NAV3: variants seen among roughly 807,000 people sequenced by gnomAD.
NAV3 encodes the protein pore membrane and/or filament interacting like protein 1.
A neutral mutation model predicts 244.7 loss-of-function variants in NAV3; 87 were observed. The observed-to-expected ratio is 0.36, with a 90% confidence interval of 0.30 to 0.42. The LOEUF (loss-of-function observed/expected upper bound fraction) is 0.42. Ranked by LOEUF, NAV3 falls within the 20% of genes least tolerant of loss-of-function variation. NAV3 has a pLI of 1.00. For synonymous variants in NAV3, 1,126 were observed against 1,042.2 expected (o/e 1.08, Z -1.55); for missense variants, 2,663 against 2,893.3 (o/e 0.92, Z 1.83).
chr12:78,173,659 T>A (rs184378045), intron 24 of NAV3, among the ~76,000 whole-genome samples: 87 of 151,664 alleles, frequency 5.7e-4, no homozygotes, highest in African/African-American at 2.0e-3. Flanking sequence ...GTTTAGAAGT[T>A]GGTAATGTTT....
intron 2 of NAV3, among the ~76,000 whole-genome samples, chr12:77,736,905 A>G (rs1240218798): frequency 1.3e-5 from 2 of 152,186 alleles, no homozygotes; most frequent in Non-Finnish European, 2.9e-5. Context: ...TGGATTTCAG[A>G]ACAAGACGAG....
At chr12:77,908,997 C>A (rs1350424171) in intron 1 of NAV3, among the ~76,000 whole-genome samples, 1 of 152,026 alleles carries the variant, frequency 6.6e-6, no homozygotes, top group South Asian at 2.1e-4. Context: ...TCACCCTGCT[C>A]ATGCTACTTA....
chr12:77,595,480 A>G (rs1870125332), intron 2 of NAV3, among the ~76,000 whole-genome samples: 1 of 152,150 alleles, frequency 6.6e-6, no homozygotes, highest in Non-Finnish European at 1.5e-5. Context: ...CATAATGACT[A>G]TAAATAATCG....
At chr12:77,725,132 T>A (rs1057264562) in intron 2 of NAV3, among the ~76,000 whole-genome samples, 3 of 152,018 alleles carry the variant, frequency 2.0e-5, no homozygotes, top group Non-Finnish European at 1.5e-5. Context: ...GGTATTAAAC[T>A]TTTTTCCATT....
intron 2 of NAV3, among the ~76,000 whole-genome samples, chr12:77,648,774 T>C (rs771234): frequency 0.16 from 24,863 of 152,094 alleles, 3,231 homozygotes; most frequent in African/African-American, 0.36. Context: ...TTCTATGATT[T>C]CAGCATCCTG....
intron 1 of NAV3, among the ~76,000 whole-genome samples, chr12:77,841,579 C>T (rs1412937196): frequency 6.6e-6 from 1 of 152,140 alleles, no homozygotes; most frequent in East Asian, 1.9e-4. Flanking sequence ...CCAAATTTGG[C>T]CTGGTGCCCA....
At chr12:78,058,115 CAGAT>C (rs1292559592) in intron 11 of NAV3, among the ~76,000 whole-genome samples, 3 of 152,028 alleles carry the variant, frequency 2.0e-5, no homozygotes, top group Admixed American at 6.6e-5. Context: ...CTAATTGTGA[CAGAT>C]AGCAGCTGAT....
At chr12:77,979,721 A>T (rs578152965) in intron 5 of NAV3, among the ~76,000 whole-genome samples, 1 of 151,212 alleles carries the variant, frequency 6.6e-6, no homozygotes, top group East Asian at 1.9e-4. Context: ...AGAAAAAAAA[A>T]AAAAAGCCTT....
At chr12:77,690,926 G>A (rs1419690478) in intron 2 of NAV3, among the ~76,000 whole-genome samples, 2 of 150,746 alleles carry the variant, frequency 1.3e-5, no homozygotes, top group Non-Finnish European at 3.0e-5. Flanking sequence ...TAAAACTAAG[G>A]TCTTCAAAAT....
chr12:77,836,782 T>C (rs1874719069), intron 1 of NAV3, among the ~76,000 whole-genome samples: 1 of 152,172 alleles, frequency 6.6e-6, no homozygotes, highest in African/African-American at 2.4e-5. Context: ...GACAAATTGG[T>C]GTGGATGCTA....
chr12:77,877,193 A>C (rs1374253369), intron 1 of NAV3, among the ~76,000 whole-genome samples: 1 of 152,144 alleles, frequency 6.6e-6, no homozygotes, highest in Non-Finnish European at 1.5e-5. Flanking sequence ...TAAAAACAAA[A>C]AAAGAGAATA....
chr12:77,707,053 T>TCTTTCTTTC (rs1555196702), intron 2 of NAV3, among the ~76,000 whole-genome samples: 2 of 150,342 alleles, frequency 1.3e-5, no homozygotes, highest in African/African-American at 4.9e-5. Context: ...GCTACCTTTT[T>TCTTTCTTTC]TTTCTTTCTT....
intron 15 of NAV3, among the ~76,000 whole-genome samples, 185 bp downstream of exon 15, chr12:78,120,130 A>AT (rs942396082): frequency 2.0e-5 from 3 of 152,102 alleles, no homozygotes; most frequent in African/African-American, 7.2e-5. Context: ...AGCAAAAAAA[A>AT]TAGTTCTCAT....
chr12:78,210,473 C>T lies in NAV3; in HGVS notation c.7114C>T (p.His2372Tyr), dbSNP rs756798226. The T allele has an allele frequency of 5.6e-6, 9 of 1,613,864 alleles. No homozygotes were observed. The South Asian group carries it at 9.9e-5, about 18-fold the overall frequency. ...AAGCTGCGACAGCGAAAGCACCAGC[C>T]ACCATGAAGACATTTTGGATTCATC... ...TQSCDSESTS[H>Y]HEDILDSSLE... The change falls in exon 40 of 40, where the codon CAC (histidine) becomes TAC (tyrosine). Residue 2372 changes from histidine (H) to tyrosine (Y), a missense_variant. This residue lies in a region of NAV3 where 543 missense variants were observed against 672.4 expected (regional missense o/e 0.81). Coordinates refer to ENST00000397909, the MANE Select transcript of NAV3 (RefSeq NM_001024383.2).
At chr12:77,889,504 G>A (rs1883686747) in intron 1 of NAV3, among the ~76,000 whole-genome samples, 1 of 152,110 alleles carries the variant, frequency 6.6e-6, no homozygotes, top group Admixed American at 6.6e-5. Flanking sequence ...TGAAATACTG[G>A]ACAATTAATG....
At chr12:77,921,651 G>T (rs2137178494) in intron 1 of NAV3, among the ~76,000 whole-genome samples, 1 of 152,174 alleles carries the variant, frequency 6.6e-6, no homozygotes, top group African/African-American at 2.4e-5. Context: ...CGTGAAAGAT[G>T]AAAAATCTAG....
intron 2 of NAV3, among the ~76,000 whole-genome samples, chr12:77,747,322 A>G (rs1435699267): frequency 6.6e-6 from 1 of 152,188 alleles, no homozygotes; most frequent in Non-Finnish European, 1.5e-5. Flanking sequence ...GCAAATCAAA[A>G]CCACAATGAG....
chr12:78,137,726 T>C (rs937443869), intron 19 of NAV3, among the ~76,000 whole-genome samples: 1 of 152,194 alleles, frequency 6.6e-6, no homozygotes, highest in East Asian at 1.9e-4. Context: ...ACCAGAAACA[T>C]TATTTTATGA....
intron 2 of NAV3, among the ~76,000 whole-genome samples, chr12:77,668,473 TAG>T (rs1873819076): frequency 6.6e-6 from 1 of 152,094 alleles, no homozygotes; most frequent in Non-Finnish European, 1.5e-5. Context: ...AGGACACACT[TAG>T]AGAAATGCAA....
Sources: allele counts gnomAD v4.1 joint callset (sites outside exome capture counted in the v4.1 genomes callset), GRCh38; gene constraint gnomAD v4.1.1; regional missense constraint gnomAD v4.1.1; transcripts MANE v1.5; gene names NCBI Gene and HGNC (gene_info 2026-07-23, HGNC 2026-07-21).